GCNA: variants seen among roughly 807,000 people sequenced by gnomAD.
GCNA encodes germ cell nuclear acidic protein.
GCNA carries 3 observed loss-of-function variants against 38.8 expected under a neutral mutation model. That is an observed-to-expected ratio of 0.08 (90% CI 0.04 to 0.20). The LOEUF (loss-of-function observed/expected upper bound fraction) is 0.20, where lower values mean the gene tolerates loss of function less well. GCNA is among the 10% of genes least tolerant of loss of function. GCNA has a pLI of 1.00. For synonymous variants in GCNA, 195 were observed against 240.2 expected (o/e 0.81, Z 1.74); for missense variants, 446 against 578.6 (o/e 0.77, Z 2.35).
intron 2 of GCNA, among the ~76,000 whole-genome samples, chrX:71,582,192 G>C (rs1247057544): frequency 7.6e-5 from 8 of 104,872 alleles, no homozygotes; most frequent in African/African-American, 2.5e-4. Context: ...AGAATCACCT[G>C]AGCCCGGGAA....
Position 71,604,664 on chromosome X carries a change from T to C in GCNA, c.1387T>C (p.Ser463Pro), listed in dbSNP as rs1328081851. The C allele has an allele frequency of 8.3e-7, 1 of 1,207,037 alleles. No individual in the cohort carries two copies. Among genetic ancestry groups the C allele is most frequent in the African/African-American group, 1.8e-5 (1 of 56,992 alleles). Residue 463 changes from serine to proline, a missense_variant, in exon 8 of 13, where the codon TCT becomes CCT. Ser to Pro is a moderately conservative substitution (Grantham distance 74). Transcript: ENST00000373696. ...RKRKAKTKNV[S>P]VTPGHKKRGP... The stretch of plus-strand genomic sequence containing the variant: ...GAGGAAGGCGAAAACCAAAAATGTA[T>C]CTGTGACACCTGGTAAGCCAGTCAT...
intron 10 of GCNA, among the ~76,000 whole-genome samples, chrX:71,609,788 A>G (rs906500857): frequency 1.8e-5 from 2 of 111,952 alleles, no homozygotes; most frequent in Non-Finnish European, 3.8e-5. Flanking sequence ...ACCTGCTGAA[A>G]GAAATTAACC....
At chrX:71,591,807 G>C (rs1176823449) in intron 2 of GCNA, among the ~76,000 whole-genome samples, 1 of 111,764 alleles carries the variant, frequency 8.9e-6, no homozygotes, top group Non-Finnish European at 1.9e-5. Flanking sequence ...GCCTGGTGTT[G>C]CTTTCATACC....
At chrX:71,586,020 GTAGT>G (rs1299944517) in intron 2 of GCNA, among the ~76,000 whole-genome samples, 16 of 109,856 alleles carry the variant, frequency 1.5e-4, no homozygotes, top group Non-Finnish European at 1.9e-4. Flanking sequence ...ACGTAAACAG[GTAGT>G]TAAAGTAGAG....
chrX:71,581,028 A>G, intron 2 of GCNA, 148 bp downstream of exon 2: 1 of 538,933 alleles, frequency 1.9e-6, no homozygotes, highest in South Asian at 4.3e-5. Context: ...GAAGGATTTT[A>G]CAAACTAGGA....
chrX:71,595,598 C>T (rs1380953056), intron 6 of GCNA, among the ~76,000 whole-genome samples: 1 of 111,945 alleles, frequency 8.9e-6, no homozygotes, highest in African/African-American at 3.2e-5. Context: ...TTCAGCCTCA[C>T]CTGCTACTGT....
intron 7 of GCNA, among the ~76,000 whole-genome samples, chrX:71,603,197 T>C (rs1455018688): frequency 5.3e-5 from 6 of 112,292 alleles, no homozygotes. Context: ...TAGTGTAATT[T>C]GAAGGCAGGT....
chrX:71,602,737 C>T (rs1042813236), intron 7 of GCNA, among the ~76,000 whole-genome samples: 2 of 111,364 alleles, frequency 1.8e-5, no homozygotes, highest in East Asian at 2.8e-4. Context: ...GTTGTCTCTT[C>T]ACTTTGTTGA....
At chrX:71,583,600 G>A (rs769483703) in intron 2 of GCNA, among the ~76,000 whole-genome samples, 29 of 110,121 alleles carry the variant, frequency 2.6e-4, no homozygotes, top group Non-Finnish European at 3.6e-4. Flanking sequence ...TTTAATCATA[G>A]TAATGCTGCT....
At chrX:71,610,094 C>T (rs775071386) in intron 10 of GCNA, among the ~76,000 whole-genome samples, 15 of 111,139 alleles carry the variant, frequency 1.3e-4, no homozygotes, top group Non-Finnish European at 2.6e-4. Flanking sequence ...CCAAGTCCTG[C>T]ACTCACGTGT....
At chrX:71,583,390 G>A (rs1029924297) in intron 2 of GCNA, among the ~76,000 whole-genome samples, 2 of 111,095 alleles carry the variant, frequency 1.8e-5, no homozygotes, top group Non-Finnish European at 3.8e-5. Flanking sequence ...GTTGAGGCGG[G>A]AGGAATGCTG....
Position 71,604,647 on chromosome X carries a change from C to A in GCNA, c.1370C>A (p.Ala457Glu). 1 of 1,207,613 alleles carries A rather than the reference C, an allele frequency of 8.3e-7. No homozygotes were observed. Among genetic ancestry groups the A allele is most frequent in the Non-Finnish European group, 1.1e-6 (1 of 893,776 alleles). ...GTGGAGCCACTGAGGAAGAGGAAGGCGAAAACCAAAAATGTATCTGTGACA... is the reference window on the plus strand; with the variant it reads ...GTGGAGCCACTGAGGAAGAGGAAGGAGAAAACCAAAAATGTATCTGTGACA... ...NIVEPLRKRK[A>E]KTKNVSVTPG... The change falls in exon 8 of 13, where the codon GCG becomes GAG. Residue 457 changes from alanine (A) to glutamate (E), a missense_variant. Coordinates refer to ENST00000373696, the MANE Select transcript of GCNA (RefSeq NM_052957.5).
intron 2 of GCNA, among the ~76,000 whole-genome samples, chrX:71,589,908 G>T (rs1210217613): frequency 9.1e-6 from 1 of 109,863 alleles, no homozygotes; most frequent in African/African-American, 3.3e-5. Flanking sequence ...GACCTCTCGG[G>T]CTGAAGCAAC....
intron 2 of GCNA, among the ~76,000 whole-genome samples, chrX:71,589,349 G>A (rs1466368021): frequency 9.5e-6 from 1 of 105,481 alleles, no homozygotes; most frequent in Non-Finnish European, 1.9e-5. Context: ...ATTCACAGGT[G>A]TGATCATGGT....
chrX:71,595,213 A>G (rs1167312121), intron 6 of GCNA, among the ~76,000 whole-genome samples: 1 of 111,815 alleles, frequency 8.9e-6, no homozygotes. Flanking sequence ...TCTTCTCCTC[A>G]GCCTCTCAAG....
intron 2 of GCNA, 122 bp from the exon 3 acceptor site, chrX:71,592,000 C>G: frequency 1.6e-6 from 1 of 637,277 alleles, no homozygotes; most frequent in Non-Finnish European, 2.4e-6. Flanking sequence ...GCCCTTAAAA[C>G]CTTTTTTGCA....
chrX:71,607,331 T>TC (rs1031684638), intron 9 of GCNA, among the ~76,000 whole-genome samples: 2 of 111,977 alleles, frequency 1.8e-5, no homozygotes, highest in African/African-American at 3.2e-5. Flanking sequence ...GTCTGGTACT[T>TC]CCCCCCTCTG....
At position 71,610,635 on chromosome X, in the gene GCNA, A is replaced by G. The variant is rs1371571844; in HGVS notation, c.1612-46A>G. The G allele has an allele frequency of 6.7e-6, 8 of 1,191,352 alleles. No homozygotes were observed. In the East Asian group the frequency reaches 2.4e-4, roughly 36 times the overall value. On this transcript the variant is annotated intron_variant, in intron 10 of 12. Coordinates refer to ENST00000373696, the MANE Select transcript of GCNA (RefSeq NM_052957.5). The stretch of plus-strand genomic sequence containing the variant: ...GTCTCAAAAACAAAAAAACAAAAAA[A>G]CCCAAAACAGCTTTCTGATTCCTTT...
At chrX:71,592,878 T>G (rs973812868) in intron 4 of GCNA, among the ~76,000 whole-genome samples, 1 of 112,084 alleles carries the variant, frequency 8.9e-6, no homozygotes, top group South Asian at 3.7e-4. Context: ...TTTAGTTTTA[T>G]TTTTAGTTTA....
Sources: gnomAD v4.1 joint callset for allele counts (sites outside exome capture counted in the v4.1 genomes callset) on GRCh38, gnomAD v4.1.1 for gene constraint, MANE v1.5 for transcripts, NCBI Gene and HGNC (gene_info 2026-07-23, HGNC 2026-07-21) for gene names.